Variants in TCF7L2 observed in about 807,000 individuals in gnomAD.
TCF7L2 encodes the protein transcription factor 7 like 2, also known as transcription factor 7-like 2.
TCF7L2 carries 23 observed loss-of-function variants against 77.9 expected under a neutral mutation model. The ratio of observed to expected loss-of-function variants is 0.30; its 90% CI spans 0.21 to 0.42. TCF7L2 has a LOEUF of 0.42. Among genes scored for constraint, TCF7L2 ranks in the 10% least tolerant of loss-of-function variants. TCF7L2 has a pLI of 1.00. For synonymous variants in TCF7L2, 413 were observed against 340.2 expected, an observed-to-expected ratio of 1.21 and a Z score of -2.36; for missense variants, 654 against 793.1, an observed-to-expected ratio of 0.82 and a Z score of 2.11.
chr10:112,961,267 C>CCCCA (rs1373650585), intron 3 of TCF7L2, among the ~76,000 whole-genome samples: 3 of 132,526 alleles, frequency 2.3e-5, no homozygotes, highest in African/African-American at 8.9e-5. Flanking sequence ...CCCCCCCCCC[C>CCCCA]AACCTCGGCC....
At chr10:112,985,102 T>C (rs1364996515) in intron 4 of TCF7L2, among the ~76,000 whole-genome samples, 1 of 152,152 alleles carries the variant, frequency 6.6e-6, no homozygotes, top group Non-Finnish European at 1.5e-5. Flanking sequence ...CAATGGCCCA[T>C]GCTAAGGAAA....
At chr10:113,111,824 A>G (rs561569401) in intron 5 of TCF7L2, among the ~76,000 whole-genome samples, 2 of 152,330 alleles carry the variant, frequency 1.3e-5, no homozygotes, top group East Asian at 3.9e-4. Flanking sequence ...AAATAAAATT[A>G]TTAACCAGCT....
intron 5 of TCF7L2, among the ~76,000 whole-genome samples, chr10:113,086,144 T>C (rs926564448): frequency 1.3e-5 from 2 of 152,222 alleles, no homozygotes; most frequent in African/African-American, 4.8e-5. Context: ...CACGAGGCCT[T>C]CATTTACTTT....
intron 5 of TCF7L2, among the ~76,000 whole-genome samples, chr10:113,138,163 AG>A (rs1261640813): frequency 2.6e-5 from 4 of 152,166 alleles, no homozygotes; most frequent in South Asian, 4.1e-4. Context: ...TTGAGGTCAG[AG>A]GGAGTAAGGC....
intron 5 of TCF7L2, among the ~76,000 whole-genome samples, chr10:113,050,290 G>GA (rs1175558392): frequency 5.3e-5 from 8 of 152,086 alleles, no homozygotes; most frequent in Non-Finnish European, 1.2e-4. Flanking sequence ...GTGCTGGGGT[G>GA]AAAAAAACAG....
At chr10:112,968,814 C>T (rs183123520) in intron 4 of TCF7L2, among the ~76,000 whole-genome samples, 2 of 152,180 alleles carry the variant, frequency 1.3e-5, no homozygotes, top group Non-Finnish European at 2.9e-5. Flanking sequence ...CTCCTGACCT[C>T]GTGATCCGGC....
chr10:112,978,436 T>C (rs1333093851), intron 4 of TCF7L2, among the ~76,000 whole-genome samples: 1 of 152,058 alleles, frequency 6.6e-6, no homozygotes, highest in South Asian at 2.1e-4. Flanking sequence ...CTCATAGTAG[T>C]CTTTTTTGGC....
intron 5 of TCF7L2, among the ~76,000 whole-genome samples, chr10:113,048,882 G>T (rs2053907007): frequency 6.6e-6 from 1 of 152,202 alleles, no homozygotes; most frequent in Admixed American, 6.5e-5. Context: ...TTTTAAGAAT[G>T]ATGTTGTAGG....
intron 5 of TCF7L2, chr10:113,125,661 G>T (rs759448437): frequency 1.3e-5 from 2 of 152,164 alleles, no homozygotes; most frequent in Non-Finnish European, 2.9e-5. Flanking sequence ...TAATTTTGAT[G>T]CAGTAGTAAA....
At chr10:112,971,624 T>C (rs1348415029) in intron 4 of TCF7L2, among the ~76,000 whole-genome samples, 1 of 151,114 alleles carries the variant, frequency 6.6e-6, no homozygotes, top group Non-Finnish European at 1.5e-5. Flanking sequence ...GTTACTTTTT[T>C]TTTTTTGAGA....
intron 4 of TCF7L2, among the ~76,000 whole-genome samples, chr10:112,999,856 A>C (rs1384766841): frequency 6.6e-6 from 1 of 152,170 alleles, no homozygotes; most frequent in African/African-American, 2.4e-5. Flanking sequence ...GACTGGATTC[A>C]GAAGCTGGCC....
At chr10:112,972,009 C>T (rs2038375901) in intron 4 of TCF7L2, among the ~76,000 whole-genome samples, 2 of 152,004 alleles carry the variant, frequency 1.3e-5, no homozygotes, top group Admixed American at 1.3e-4. Flanking sequence ...CAACCTCTGC[C>T]TCCTGAGTTC....
At chr10:113,055,925 G>A (rs1009423197) in intron 5 of TCF7L2, among the ~76,000 whole-genome samples, 5 of 152,152 alleles carry the variant, frequency 3.3e-5, no homozygotes, top group Admixed American at 1.3e-4. Context: ...AGGAAATTAG[G>A]TTTTTTTGGT....
chr10:113,100,479 G>A (rs1259566941), intron 5 of TCF7L2, among the ~76,000 whole-genome samples: 2 of 150,512 alleles, frequency 1.3e-5, no homozygotes, highest in Non-Finnish European at 2.9e-5. Flanking sequence ...GTGAGAAGGT[G>A]TATTTTTTTT....
chr10:113,037,687 A>T (rs1018578999), intron 4 of TCF7L2, among the ~76,000 whole-genome samples: 1 of 152,216 alleles, frequency 6.6e-6, no homozygotes, highest in East Asian at 1.9e-4. Context: ...GTCACCTTCA[A>T]CAAAGCCCGA....
chr10:112,957,120 C>T (rs1001234372), intron 3 of TCF7L2, among the ~76,000 whole-genome samples: 1 of 151,206 alleles, frequency 6.6e-6, no homozygotes, highest in African/African-American at 2.4e-5. Flanking sequence ...TAGGTGTTTG[C>T]ATCTTTTCCC....
chr10:112,997,749 A>G (rs1458885743), intron 4 of TCF7L2, among the ~76,000 whole-genome samples: 1 of 152,140 alleles, frequency 6.6e-6, no homozygotes, highest in East Asian at 1.9e-4. Context: ...AGTCAGGTGG[A>G]GCAAGATTCC....
At chr10:113,025,518 C>T (rs1400995158) in intron 4 of TCF7L2, among the ~76,000 whole-genome samples, 1 of 151,946 alleles carries the variant, frequency 6.6e-6, no homozygotes, top group African/African-American at 2.4e-5. Context: ...GGATTATAGG[C>T]ATGAGCCACC....
At chr10:113,008,865 T>C (rs1452222232) in intron 4 of TCF7L2, among the ~76,000 whole-genome samples, 1 of 152,180 alleles carries the variant, frequency 6.6e-6, no homozygotes, top group African/African-American at 2.4e-5. Flanking sequence ...AGGGATTAGT[T>C]GCTCAACCCA....
Sources: gnomAD v4.1 joint callset for allele counts (sites outside exome capture counted in the v4.1 genomes callset) on GRCh38, gnomAD v4.1.1 for gene constraint, MANE v1.5 for transcripts, NCBI Gene and HGNC (gene_info 2026-07-23, HGNC 2026-07-21) for gene names.